Variants in TTC21B observed in about 807,000 individuals in gnomAD.
TTC21B encodes tetratricopeptide repeat domain 21B, also known as tetratricopeptide repeat protein 21B.
Under a neutral mutation model 175.1 loss-of-function variants are expected in TTC21B, and 127 were observed. The observed-to-expected ratio is 0.73, with a 90% CI of 0.63 to 0.84. TTC21B has a LOEUF of 0.84. TTC21B is among the 40% of genes least tolerant of loss of function. TTC21B has a pLI of 0.00. For synonymous variants in TTC21B, 524 were observed against 524.5 expected, an observed-to-expected ratio of 1.00 and a Z score of 0.01; for missense variants, 1,561 against 1,558.3, an observed-to-expected ratio of 1.00 and a Z score of -0.03.
intron 5 of TTC21B, among the ~76,000 whole-genome samples, chr2:165,941,717 T>C (rs1320059432): frequency 1.3e-5 from 2 of 152,090 alleles, no homozygotes; most frequent in East Asian, 3.8e-4. Flanking sequence ...ATATAGATGA[T>C]ATTTATGGCA....
chr2:165,898,761 C>T lies in TTC21B; in HGVS notation c.2875G>A (p.Ala959Thr). 6.2e-7 allele frequency: 1 copy of T among 1,608,796 alleles called. No individual in the cohort carries two copies. The highest frequency in any genetic ancestry group is 1.3e-5 in the African/African-American group (1 of 74,900). The change falls in exon 22 of 29, where the codon GCT (alanine) becomes ACT (threonine). Residue 959 changes from alanine (A) to threonine (T), a missense_variant. Ala to Thr is a moderately conservative substitution (Grantham distance 58). Coordinates refer to ENST00000243344, the MANE Select transcript of TTC21B (RefSeq NM_024753.5). ...TCTTGTTTTCTGAACATGAGATCAGCCATCATCTATAAAGATAAAAGTTGG... is the reference window on the plus strand; with the variant it reads ...TCTTGTTTTCTGAACATGAGATCAGTCATCATCTATAAAGATAAAAGTTGG... The part of the protein sequence containing the change: ...QDNEAATMMM[A>T]DLMFRKQDYE...
rs569685363 is a variant in TTC21B at position 165,899,671 on chromosome 2, GTGAGCCA to G, written c.2868+92_2868+98del. 3.5e-4 allele frequency: 273 copies of G among 778,232 alleles called. 1 individual carries two copies. In the African/African-American group the frequency reaches 4.4e-3, roughly 12 times the overall value. The allele number at this position is 778,232 out of a possible 1,614,324, so 48.2% of individuals were successfully genotyped here. ...AATGTTATTTCTTCCAAAAGCCAACGTGAGCCATGCCTCATCATCTAGTAGTAGTTCC... is the reference window on the plus strand; with the variant it reads ...AATGTTATTTCTTCCAAAAGCCAACGTGCCTCATCATCTAGTAGTAGTTCC... On this transcript the variant is annotated intron_variant, in intron 21 of 28. Coordinates refer to ENST00000243344, the MANE Select transcript of TTC21B (RefSeq NM_024753.5).
At chr2:165,876,305 T>C in intron 27 of TTC21B, 73 bp from the exon 28 acceptor site, 1 of 941,344 alleles carries the variant, frequency 1.1e-6, no homozygotes, top group Non-Finnish European at 1.7e-6. Context: ...CCTCCTCCTC[T>C]CTTTGCTTAC....
chr2:165,901,728 A>T lies in TTC21B; in HGVS notation c.2751T>A (p.Asp917Glu), dbSNP rs1242878732. 1 of 1,613,432 alleles carries T rather than the reference A, an allele frequency of 6.2e-7. No individual in the cohort carries two copies. The highest frequency in any genetic ancestry group is 8.5e-7 in the Non-Finnish European group (1 of 1,179,332). The change falls in exon 20 of 29, where the codon GAT (aspartate) becomes GAA (glutamate). Residue 917 changes from aspartate (D) to glutamate (E), a missense_variant. By Grantham distance (45) the Asp-to-Glu change is conservative. Transcript: ENST00000243344. ...ATTTTATAAAGGTACTGACCTTATTATCTGTTTCGCAGTGAACCAGAGCCT... is the reference window on the plus strand; with the variant it reads ...ATTTTATAAAGGTACTGACCTTATTTTCTGTTTCGCAGTGAACCAGAGCCT... ...YREALVHCET[D>E]NKIMLELARL...
At chr2:165,950,859 G>C (rs1316477817) in intron 1 of TTC21B, among the ~76,000 whole-genome samples, 1 of 152,036 alleles carries the variant, frequency 6.6e-6, no homozygotes, top group Non-Finnish European at 1.5e-5. Flanking sequence ...CCACCCGCCT[G>C]GGCCTCCCAA....
intron 2 of TTC21B, 41 bp downstream of exon 2, chr2:165,949,553 GA>G (rs760534718): frequency 5.0e-6 from 8 of 1,613,616 alleles, no homozygotes. Flanking sequence ...TGCAAAGCAA[GA>G]ATTTAAAACT....
rs751603672 is a variant in TTC21B, at chr2:165,901,807, G to A, written c.2672C>T (p.Ala891Val). 3 of 1,613,966 alleles carry A rather than the reference G, an allele frequency of 1.9e-6. No individual in the cohort carries two copies. The East Asian group carries it at 6.7e-5, about 36-fold the overall frequency. Residue 891 changes from alanine to valine, a missense_variant, in exon 20 of 29, where the codon GCA becomes GTA. Transcript: ENST00000243344. Reference protein sequence around the residue: ...HLAAEICAEIAKHSVAQRDYE... With the variant: ...HLAAEICAEIVKHSVAQRDYE... Reference sequence around the variant, plus strand: ...GTCTCGCTGAGCAACAGAATGTTTTGCAATCTCTGCACAAATTTCAGCTGC... The same window carrying A: ...GTCTCGCTGAGCAACAGAATGTTTTACAATCTCTGCACAAATTTCAGCTGC...
chr2:165,948,255 TAA>T (rs1687648060), intron 3 of TTC21B: 1 of 64,912 alleles, frequency 1.5e-5, no homozygotes, highest in Non-Finnish European at 6.2e-5. Context: ...CAATTAATTA[TAA>T]ACTCATGTTT....
rs7590559 is a variant in TTC21B, at chr2:165,915,153, C to T, written c.2138+48G>A. On this transcript the variant is annotated intron_variant, in intron 15 of 28. Transcript: ENST00000243344. ...GTTAAAAAAAAATTGGGAATTAATA[C>T]TAGTGGCTAAATGTATCAAAATATA... is the stretch of plus-strand genomic sequence containing the variant. 575,278 of 1,481,742 alleles carry T rather than the reference C, an allele frequency of 0.39. 113,125 individuals are homozygous for T. The highest frequency in any genetic ancestry group is 0.45 in the African/African-American group (32,140 of 71,954). 91.8% of individuals were successfully genotyped at this position (1,481,742 alleles called of 1,614,324 possible).
intron 14 of TTC21B, among the ~76,000 whole-genome samples, 174 bp downstream of exon 14, chr2:165,917,083 T>C (rs1003057871): frequency 1.1e-4 from 17 of 152,174 alleles, no homozygotes; most frequent in Non-Finnish European, 2.1e-4. Context: ...TTCACCATAT[T>C]GGCCAGGCTG....
intron 20 of TTC21B, among the ~76,000 whole-genome samples, chr2:165,900,298 T>G (rs1329778064): frequency 4.6e-5 from 7 of 152,198 alleles, no homozygotes. Flanking sequence ...TCCAACTCCT[T>G]TAGCCACCAC....
chr2:165,875,861 T>C (rs1684649567), intron 28 of TTC21B, among the ~76,000 whole-genome samples: 1 of 151,884 alleles, frequency 6.6e-6, no homozygotes, highest in African/African-American at 2.4e-5. Flanking sequence ...ACCTCTTTAA[T>C]CCTACTCCTT....
rs544883708 is a variant in TTC21B at position 165,875,939 on chromosome 2, T to G, written c.3873+226A>C. ...CTCTTCAGTGGTCTTTGTCTTTAAA[T>G]TGACATAAACATTTTATTATTTGAT... On this transcript the variant is annotated intron_variant, in intron 28 of 28. Transcript: ENST00000243344. 1.4e-4 allele frequency among the ~76,000 whole-genome samples: 21 copies of G among 152,214 alleles called. No individual in the cohort carries two copies. The East Asian group carries it at 4.0e-3, about 29-fold the overall frequency.
chr2:165,920,879 A>T (rs1559060522), intron 12 of TTC21B, among the ~76,000 whole-genome samples: 1 of 146,326 alleles, frequency 6.8e-6, no homozygotes, highest in Non-Finnish European at 1.5e-5. Context: ...CACCAACATC[A>T]CATTCTTTCT....
chr2:165,952,752 G>A (rs2105373433), intron 1 of TTC21B, among the ~76,000 whole-genome samples: 1 of 152,246 alleles, frequency 6.6e-6, no homozygotes, highest in South Asian at 2.1e-4. Context: ...CTCCTACATC[G>A]CCAAATTGTC....
intron 14 of TTC21B, among the ~76,000 whole-genome samples, chr2:165,916,604 A>C (rs901753739): frequency 2.6e-5 from 4 of 152,148 alleles, no homozygotes; most frequent in African/African-American, 9.7e-5. Context: ...TGGAGTGTGC[A>C]TAAATGTGTG....
At chr2:165,906,658 T>G (rs867701531) in intron 19 of TTC21B, among the ~76,000 whole-genome samples, 2 of 152,068 alleles carry the variant, frequency 1.3e-5, no homozygotes, top group South Asian at 2.1e-4. Context: ...CATCAAAGAA[T>G]TAGCAGCCGG....
At chr2:165,879,719 A>G (rs1684780260) in intron 27 of TTC21B, 1 of 152,220 alleles carries the variant, frequency 6.6e-6, no homozygotes, top group Non-Finnish European at 1.5e-5. Flanking sequence ...TTCCAAACTT[A>G]CATGGCCATG....
chr2:165,946,308 C>T (rs1687561219), intron 3 of TTC21B, among the ~76,000 whole-genome samples: 1 of 151,666 alleles, frequency 6.6e-6, no homozygotes, highest in Non-Finnish European at 1.5e-5. Context: ...CACTGCACTC[C>T]AGCCTGGGTG....
Sources: allele counts gnomAD v4.1 joint callset (sites outside exome capture counted in the v4.1 genomes callset), GRCh38; gene constraint gnomAD v4.1.1; transcripts MANE v1.5; gene names NCBI Gene and HGNC (gene_info 2026-07-23, HGNC 2026-07-21).